Variants in CPE observed in about 807,000 individuals in gnomAD.
The protein encoded by CPE is carbocypeptidase E.
In CPE, 17 loss-of-function variants were observed where a neutral mutation model predicts 53.5. The observed-to-expected ratio is 0.32, with a 90% CI of 0.22 to 0.48. The LOEUF is 0.48. Ranked by LOEUF, CPE falls within the 20% of genes least tolerant of loss-of-function variation. The pLI, the probability that CPE is intolerant of heterozygous loss-of-function variation, is 0.99. For synonymous variants in CPE, 226 were observed against 228.8 expected (o/e 0.99, Z 0.11); for missense variants, 524 against 614.7 (o/e 0.85, Z 1.56).
At chr4:165,397,129 C>T (rs1579242267) in intron 1 of CPE, among the ~76,000 whole-genome samples, 1 of 151,844 alleles carries the variant, frequency 6.6e-6, no homozygotes, top group Admixed American at 6.6e-5. Context: ...TATTAAAACA[C>T]AGAGAAAGTT....
At chr4:165,381,978 C>A (rs13148844) in intron 1 of CPE, among the ~76,000 whole-genome samples, 4 of 151,722 alleles carry the variant, frequency 2.6e-5, no homozygotes, top group Admixed American at 6.6e-5. Context: ...CTGCACAACC[C>A]ATAGAAGATA....
At chr4:165,483,482 T>A (rs1471109410) in intron 4 of CPE, among the ~76,000 whole-genome samples, 1 of 152,238 alleles carries the variant, frequency 6.6e-6, no homozygotes, top group South Asian at 2.1e-4. Context: ...ATATAATAAT[T>A]TCTTTTCCTT....
intron 1 of CPE, among the ~76,000 whole-genome samples, chr4:165,447,355 G>A (rs1295650022): frequency 6.6e-6 from 1 of 152,166 alleles, no homozygotes; most frequent in East Asian, 1.9e-4. Flanking sequence ...CAGATTACCT[G>A]AGGTCAGGAT....
intron 6 of CPE, among the ~76,000 whole-genome samples, chr4:165,488,098 C>T (rs1732539818): frequency 6.6e-6 from 1 of 152,150 alleles, no homozygotes; most frequent in African/African-American, 2.4e-5. Context: ...TTGTCATTTA[C>T]TATTTCCCAG....
intron 6 of CPE, among the ~76,000 whole-genome samples, chr4:165,489,999 C>T (rs1354603698): frequency 5.3e-5 from 8 of 152,172 alleles, no homozygotes; most frequent in Non-Finnish European, 1.2e-4. Flanking sequence ...TCATAGAACA[C>T]TCCAGTTTAG....
Position 165,379,652 on chromosome 4 carries a change from CTAAGGTGG to C in CPE, c.307+125_307+132del, listed in dbSNP as rs1379173605. ...AGGGGTGCCTCTTGGTAAAAGGTAT[CTAAGGTGG>C]AAGGTGGGAAGTGGAGGGAGGGATG... On this transcript the variant is annotated intron_variant, in intron 1 of 8. Coordinates refer to ENST00000402744, the MANE Select transcript of CPE (RefSeq NM_001873.4). This position sits in a 1 kb window ranked among gnomAD's most constrained non-coding sequence, Gnocchi z 6.0. 5.1e-6 allele frequency: 5 copies of C among 981,378 alleles called. No homozygotes were observed. In the African/African-American group the frequency reaches 8.3e-5, roughly 16 times the overall value. The allele number at this position is 981,378 out of a possible 1,614,324, so 60.8% of individuals were successfully genotyped here. A position where few individuals can be genotyped will look rare whatever the true frequency, so the allele number is the denominator to read the frequency against.
intron 1 of CPE, among the ~76,000 whole-genome samples, chr4:165,396,897 A>G (rs969558298): frequency 6.6e-6 from 1 of 151,108 alleles, no homozygotes; most frequent in Non-Finnish European, 1.5e-5. Flanking sequence ...AAAAAAAAAA[A>G]AAAATTACAA....
At chr4:165,435,991 C>G (rs936505969) in intron 1 of CPE, among the ~76,000 whole-genome samples, 2 of 152,108 alleles carry the variant, frequency 1.3e-5, no homozygotes, top group African/African-American at 2.4e-5. Context: ...TCTTGGTTCT[C>G]TTCCTACCTC....
chr4:165,386,771 T>C (rs2126652770), intron 1 of CPE, among the ~76,000 whole-genome samples: 1 of 152,330 alleles, frequency 6.6e-6, no homozygotes, highest in East Asian at 1.9e-4. Flanking sequence ...TTGGTAAGCA[T>C]TTATTTAGTA....
intron 3 of CPE, among the ~76,000 whole-genome samples, chr4:165,473,695 C>T (rs1486733541): frequency 1.3e-5 from 2 of 152,160 alleles, no homozygotes; most frequent in Non-Finnish European, 2.9e-5. Context: ...CATATTTTTG[C>T]CCAAAAGAGT....
Position 165,464,435 on chromosome 4 carries a change from C to A in CPE, c.353C>A (p.Ala118Asp). The A allele has an allele frequency of 6.2e-7, 1 of 1,612,666 alleles. No homozygotes were observed. Among genetic ancestry groups the A allele is most frequent in the African/African-American group, 1.3e-5 (1 of 74,954 alleles). The change falls in exon 2 of 9, where the codon GCT (alanine) becomes GAT (aspartate). Residue 118 changes from alanine to aspartate, a missense_variant. Transcript: ENST00000402744. ...ATTGGGAATATGCATGGGAATGAGG[C>A]TGTTGGACGAGAACTGCTCATTTTC... ...KYIGNMHGNE[A>D]VGRELLIFLA...
intron 1 of CPE, among the ~76,000 whole-genome samples, chr4:165,442,888 C>A (rs1289978734): frequency 6.6e-6 from 1 of 152,180 alleles, no homozygotes; most frequent in Non-Finnish European, 1.5e-5. Context: ...TGAGGAAGAA[C>A]AGTGAAAATT....
intron 6 of CPE, among the ~76,000 whole-genome samples, chr4:165,488,703 T>C (rs1295203379): frequency 2.0e-5 from 3 of 152,244 alleles, no homozygotes; most frequent in Non-Finnish European, 2.9e-5. Flanking sequence ...TATGTGTATA[T>C]GTACATATAA....
intron 1 of CPE, among the ~76,000 whole-genome samples, chr4:165,417,596 T>G (rs563510773): frequency 6.6e-6 from 1 of 152,114 alleles, no homozygotes; most frequent in South Asian, 2.1e-4. Context: ...TTTTTGATGG[T>G]AGAAAATGCA....
intron 7 of CPE, 79 bp downstream of exon 7, chr4:165,493,349 G>A (rs1732642461): frequency 9.8e-7 from 1 of 1,024,396 alleles, no homozygotes; most frequent in Non-Finnish European, 1.5e-6. Flanking sequence ...TAAGTCTTAT[G>A]TTCTTCTAAG....
At chr4:165,414,345 A>G (rs1731088161) in intron 1 of CPE, among the ~76,000 whole-genome samples, 1 of 152,216 alleles carries the variant, frequency 6.6e-6, no homozygotes, top group South Asian at 2.1e-4. Context: ...ATTTTTAATA[A>G]TCTTATGATA....
intron 1 of CPE, among the ~76,000 whole-genome samples, chr4:165,457,124 A>G (rs1359799018): frequency 6.6e-6 from 1 of 152,198 alleles, no homozygotes; most frequent in Non-Finnish European, 1.5e-5. Context: ...TCTTTGGAGA[A>G]ACCAGAAGCC....
intron 1 of CPE, among the ~76,000 whole-genome samples, chr4:165,414,444 G>C (rs768879954): frequency 6.6e-6 from 1 of 152,132 alleles, no homozygotes; most frequent in African/African-American, 2.4e-5. Flanking sequence ...GAAAAATGAA[G>C]TTTGTTATGA....
chr4:165,433,576 C>T (rs1026102146), intron 1 of CPE, among the ~76,000 whole-genome samples: 4 of 152,160 alleles, frequency 2.6e-5, no homozygotes, highest in Non-Finnish European at 5.9e-5. Context: ...TCAGCCCTGC[C>T]GGCCATACGG....
Sources: allele counts gnomAD v4.1 joint callset (sites outside exome capture counted in the v4.1 genomes callset), GRCh38; gene constraint gnomAD v4.1.1; non-coding constraint Gnocchi (gnomAD v3.1); transcripts MANE v1.5; gene names NCBI Gene and HGNC (gene_info 2026-07-23, HGNC 2026-07-21).